ELP4: variants seen among roughly 807,000 people sequenced by gnomAD.
ELP4 encodes the protein elongator acetyltransferase complex subunit 4.
In ELP4, 51 loss-of-function variants were observed where a neutral mutation model predicts 48.9. The ratio of observed to expected loss-of-function variants is 1.04; its 90% CI spans 0.83 to 1.32. The LOEUF (loss-of-function observed/expected upper bound fraction) is 1.32. Among genes scored for constraint, ELP4 ranks in the 40% most tolerant of loss-of-function variants. The pLI, the probability that ELP4 is intolerant of heterozygous loss-of-function variation, is 0.00. For synonymous variants in ELP4, 210 were observed against 189.2 expected (o/e 1.11, Z -0.90); for missense variants, 519 against 514.6 (o/e 1.01, Z -0.08).
chr11:31,609,371 T>A (rs1957932827), intron 5 of ELP4, among the ~76,000 whole-genome samples: 1 of 152,164 alleles, frequency 6.6e-6, no homozygotes, highest in Non-Finnish European at 1.5e-5. Context: ...TCAGGCTTTT[T>A]AAGTTTGCAC....
At chr11:31,673,409 C>A (rs1243209578) in intron 9 of ELP4, among the ~76,000 whole-genome samples, 1 of 152,164 alleles carries the variant, frequency 6.6e-6, no homozygotes, top group Non-Finnish European at 1.5e-5. Context: ...TAGCTCACTG[C>A]AGCCTCAAAT....
intron 2 of ELP4, among the ~76,000 whole-genome samples, chr11:31,537,606 T>C (rs1158809079): frequency 2.0e-5 from 3 of 152,138 alleles, no homozygotes; most frequent in Non-Finnish European, 4.4e-5. Context: ...TTAAAAGTCA[T>C]GGCCAAAGGC....
chr11:31,781,054 A>AG (rs751581723), intron 9 of ELP4, among the ~76,000 whole-genome samples: 4 of 152,148 alleles, frequency 2.6e-5, no homozygotes, highest in Admixed American at 6.5e-5. Context: ...GTTCCCTGTG[A>AG]GGGTTACCTA....
intron 2 of ELP4, among the ~76,000 whole-genome samples, chr11:31,533,555 C>CT (rs1956442657): frequency 6.7e-6 from 1 of 148,284 alleles, no homozygotes; most frequent in East Asian, 2.0e-4. Flanking sequence ...TTTTTTTTTT[C>CT]TTTTTGTATT....
chr11:31,663,290 G>A (rs1945601448), intron 9 of ELP4: 1 of 151,792 alleles, frequency 6.6e-6, no homozygotes, highest in African/African-American at 2.4e-5. Flanking sequence ...TTTGAATTCT[G>A]AAATTAAAAT....
intron 3 of ELP4, among the ~76,000 whole-genome samples, chr11:31,540,955 A>G (rs2133908303): frequency 6.6e-6 from 1 of 152,292 alleles, no homozygotes; most frequent in East Asian, 1.9e-4. Flanking sequence ...TCCCTCAGAG[A>G]GGACACTTTT....
At chr11:31,681,344 A>G (rs1946047348) in intron 9 of ELP4, among the ~76,000 whole-genome samples, 1 of 152,230 alleles carries the variant, frequency 6.6e-6, no homozygotes, top group African/African-American at 2.4e-5. Context: ...ATCATACCGT[A>G]TAGAATTGTT....
At chr11:31,771,368 T>C (rs955425897) in intron 9 of ELP4, among the ~76,000 whole-genome samples, 1 of 152,232 alleles carries the variant, frequency 6.6e-6, no homozygotes, top group Non-Finnish European at 1.5e-5. Context: ...CAAATCTCCA[T>C]GCATGACTTT....
intron 9 of ELP4, among the ~76,000 whole-genome samples, chr11:31,671,534 CAT>C: frequency 6.6e-6 from 1 of 152,250 alleles, no homozygotes; most frequent in Non-Finnish European, 1.5e-5. Context: ...TAAATTGAGA[CAT>C]AAGTAAGATT....
At chr11:31,747,520 G>A (rs1451082848) in intron 9 of ELP4, among the ~76,000 whole-genome samples, 2 of 152,128 alleles carry the variant, frequency 1.3e-5, no homozygotes, top group Non-Finnish European at 2.9e-5. Flanking sequence ...AAAATGTGTA[G>A]AATACATTTG....
intron 3 of ELP4, among the ~76,000 whole-genome samples, chr11:31,558,331 A>G (rs750396355): frequency 6.6e-5 from 10 of 152,150 alleles, no homozygotes; most frequent in Non-Finnish European, 1.3e-4. Flanking sequence ...ATTTTCTAGT[A>G]AGGAAATGAA....
At chr11:31,714,756 C>T (rs1592247248) in intron 9 of ELP4, 3 of 398,556 alleles carry the variant, frequency 7.5e-6, no homozygotes, top group East Asian at 7.1e-5. Context: ...CTTCTTCCTC[C>T]GTTTTCAAAG....
chr11:31,545,432 GA>G (rs1373437374), intron 3 of ELP4, among the ~76,000 whole-genome samples: 1 of 151,946 alleles, frequency 6.6e-6, no homozygotes, highest in African/African-American at 2.4e-5. Flanking sequence ...GAAGTTTAGA[GA>G]AAAAAGAATA....
rs905559583 is a variant in ELP4 at position 31,783,719 on chromosome 11, C to A, written c.*195C>A. Reference sequence around the variant, plus strand: ...CAGCAGAAATACTTTTAAATTTTTCCTTCATGCTCTAGAGAAAATAATTTT... The same window carrying A: ...CAGCAGAAATACTTTTAAATTTTTCATTCATGCTCTAGAGAAAATAATTTT... On this transcript the variant is annotated 3_prime_UTR_variant, in exon 10 of 10. Transcript: ENST00000640961. The A allele has an allele frequency of 2.0e-6, 1 of 488,484 alleles. No homozygotes were observed. The highest frequency in any genetic ancestry group is 3.5e-6 in the Non-Finnish European group (1 of 281,938). The allele number at this position is 488,484 out of a possible 1,614,324, so 30.3% of individuals were successfully genotyped here.
At chr11:31,682,810 G>T (rs1272523491) in intron 9 of ELP4, among the ~76,000 whole-genome samples, 1 of 152,146 alleles carries the variant, frequency 6.6e-6, no homozygotes, top group Non-Finnish European at 1.5e-5. Flanking sequence ...TTCAGGGAAA[G>T]CTACAGAAGG....
At position 31,788,878 on chromosome 11, in the gene ELP4, A is replaced by G. The variant is rs1377457649; in HGVS notation, c.*5354A>G. 1 of 201,440 alleles carries G rather than the reference A, an allele frequency of 5.0e-6. No individual in the cohort carries two copies. The highest frequency in any genetic ancestry group is 1.0e-5 in the Non-Finnish European group (1 of 97,626). The allele number at this position is 201,440 out of a possible 1,614,324, so 12.5% of individuals were successfully genotyped here. On this transcript the variant is annotated 3_prime_UTR_variant, in exon 10 of 10. Coordinates refer to ENST00000640961, the MANE Select transcript of ELP4 (RefSeq NM_019040.5). ...AACCATTGGTTTAGAATGTTGATCTAACATGGAAATAAAATTTGTAACACC... is the reference window on the plus strand; with the variant it reads ...AACCATTGGTTTAGAATGTTGATCTGACATGGAAATAAAATTTGTAACACC...
chr11:31,734,758 G>A (rs1400745266), intron 9 of ELP4, among the ~76,000 whole-genome samples: 1 of 152,168 alleles, frequency 6.6e-6, no homozygotes, highest in Admixed American at 6.5e-5. Context: ...TAGATTGGAA[G>A]ACTTGATATT....
chr11:31,522,648 A>G (rs901430431), intron 2 of ELP4, among the ~76,000 whole-genome samples: 1 of 152,202 alleles, frequency 6.6e-6, no homozygotes, highest in Non-Finnish European at 1.5e-5. Context: ...ATATTCTAGA[A>G]TAAACTGTAA....
chr11:31,710,748 T>C (rs185379689), intron 9 of ELP4, among the ~76,000 whole-genome samples: 61 of 152,204 alleles, frequency 4.0e-4, no homozygotes, highest in Non-Finnish European at 7.1e-4. Context: ...CTCTTCAGCA[T>C]ACGGATGAGA....
Sources: allele counts gnomAD v4.1 joint callset (sites outside exome capture counted in the v4.1 genomes callset), GRCh38; gene constraint gnomAD v4.1.1; transcripts MANE v1.5; gene names NCBI Gene and HGNC (gene_info 2026-07-23, HGNC 2026-07-21).